Variants in SNX1 observed in about 807,000 individuals in gnomAD.
SNX1 encodes sorting nexin-1.
In SNX1, 36 loss-of-function variants were observed where a neutral mutation model predicts 71.8. That is an observed-to-expected ratio of 0.50 (90% CI 0.38 to 0.66). The LOEUF (loss-of-function observed/expected upper bound fraction) is 0.66, where lower values mean the gene tolerates loss of function less well. Ranked by LOEUF, SNX1 falls within the 30% of genes least tolerant of loss-of-function variation. SNX1 has a pLI of 0.00. For synonymous variants in SNX1, 254 were observed against 240.7 expected (o/e 1.06, Z -0.51); for missense variants, 612 against 646.7 (o/e 0.95, Z 0.58).
chr15:64,116,142 T>A (rs948139378), intron 2 of SNX1, among the ~76,000 whole-genome samples: 5 of 152,228 alleles, frequency 3.3e-5, no homozygotes, highest in Admixed American at 3.3e-4. Context: ...TTATATACTG[T>A]ATTCTTACAA....
chr15:64,130,342 C>G (rs763860912), intron 10 of SNX1, 21 bp downstream of exon 10: 1 of 1,586,478 alleles, frequency 6.3e-7, no homozygotes, highest in Non-Finnish European at 8.7e-7. Context: ...CTGAAATGCA[C>G]TTGGAGCTAG....
intron 4 of SNX1, among the ~76,000 whole-genome samples, chr15:64,120,446 T>A (rs560897658): frequency 6.6e-6 from 1 of 152,064 alleles, no homozygotes; most frequent in South Asian, 2.1e-4. Context: ...CTAATTTTTT[T>A]ATATTTTTTG....
At chr15:64,102,903 G>C (rs2080979762) in intron 1 of SNX1, among the ~76,000 whole-genome samples, 1 of 151,468 alleles carries the variant, frequency 6.6e-6, no homozygotes, top group Non-Finnish European at 1.5e-5. Flanking sequence ...AGTAGCTGGG[G>C]CTACAGGTGC....
intron 10 of SNX1, 168 bp from the exon 11 acceptor site, chr15:64,131,519 T>G: frequency 1.6e-6 from 1 of 636,900 alleles, no homozygotes; most frequent in Non-Finnish European, 2.7e-6. Context: ...CACATTCTCT[T>G]TACTCTCTGA....
At position 64,144,086 on chromosome 15, in the gene SNX1, T is replaced by C. The variant is rs1028551252; in HGVS notation, c.*6468T>C. ...ACTTTATATATGGGAAGGATGTTGA[T>C]TGAATTGTTAATAACTATGGTCACC... On this transcript the variant is annotated 3_prime_UTR_variant, in exon 15 of 15. Coordinates refer to ENST00000559844, the MANE Select transcript of SNX1 (RefSeq NM_003099.5). This position sits in a 1 kb window ranked among gnomAD's most constrained non-coding sequence, Gnocchi z 4.3. 1 of 152,228 alleles carries C rather than the reference T, an allele frequency of 6.6e-6. No homozygotes were observed. The highest frequency in any genetic ancestry group is 2.4e-5 in the African/African-American group (1 of 41,458). 9.4% of individuals were successfully genotyped at this position (152,228 alleles called of 1,614,324 possible). A position where few individuals can be genotyped will look rare whatever the true frequency, so the allele number is the denominator to read the frequency against.
chr15:64,113,518 C>T (rs995457913), intron 2 of SNX1, among the ~76,000 whole-genome samples: 1 of 152,110 alleles, frequency 6.6e-6, no homozygotes, highest in Non-Finnish European at 1.5e-5. Flanking sequence ...GTTGAAAAAA[C>T]CCTGTCTAAA....
At chr15:64,124,953 T>C (rs2140151532) in intron 5 of SNX1, among the ~76,000 whole-genome samples, 1 of 152,318 alleles carries the variant, frequency 6.6e-6, no homozygotes, top group East Asian at 1.9e-4. Flanking sequence ...GATGTAGCCC[T>C]AACTTTTTTG....
chr15:64,131,678 T>G lies in SNX1; in HGVS notation c.1016-9T>G. 1 of 1,613,434 alleles carries G rather than the reference T, an allele frequency of 6.2e-7. No individual in the cohort carries two copies. The highest frequency in any genetic ancestry group is 8.5e-7 in the Non-Finnish European group (1 of 1,179,702). ...CAGAGAGGCCTCTGCTGTCTTTTCCTCCTTCCAGAGCTAGCGCTGAACACA... is the reference window on the plus strand; with the variant it reads ...CAGAGAGGCCTCTGCTGTCTTTTCCGCCTTCCAGAGCTAGCGCTGAACACA... On this transcript the variant is annotated splice_polypyrimidine_tract_variant and intron_variant, in intron 10 of 14. Coordinates refer to ENST00000559844, the MANE Select transcript of SNX1 (RefSeq NM_003099.5).
At chr15:64,114,608 G>GA (rs1279674694) in intron 2 of SNX1, among the ~76,000 whole-genome samples, 2 of 152,190 alleles carry the variant, frequency 1.3e-5, no homozygotes, top group Non-Finnish European at 2.9e-5. Flanking sequence ...GGTGGTAGTT[G>GA]AAACTTCCAT....
intron 1 of SNX1, among the ~76,000 whole-genome samples, chr15:64,097,729 G>A (rs1434539473): frequency 6.6e-6 from 1 of 152,166 alleles, no homozygotes; most frequent in Non-Finnish European, 1.5e-5. Flanking sequence ...GTTGTTCCAG[G>A]CTGTAAAATT....
At chr15:64,100,662 C>A (rs2080951469) in intron 1 of SNX1, among the ~76,000 whole-genome samples, 1 of 148,560 alleles carries the variant, frequency 6.7e-6, no homozygotes. Flanking sequence ...AATTTGAAGT[C>A]ATTGCTTTAA....
In SNX1 at chr15:64,132,754, G is replaced by A. The variant is rs534648214; in HGVS notation, c.1221+862G>A. On this transcript the variant is annotated intron_variant, in intron 11 of 14. Transcript: ENST00000559844. ...ATATCTCCCATTAGGGAGCTTGTGC[G>A]TTGTGTCAGGAGCTGAGCTGCTCCC... is the stretch of plus-strand genomic sequence containing the variant. Among the ~76,000 whole-genome samples, 42 of 152,316 alleles carry A rather than the reference G, an allele frequency of 2.8e-4. 1 individual carries two copies. In the South Asian group the frequency reaches 6.8e-3, roughly 25 times the overall value.
intron 2 of SNX1, among the ~76,000 whole-genome samples, chr15:64,117,861 A>C (rs529175189): frequency 6.6e-6 from 1 of 152,294 alleles, no homozygotes; most frequent in Admixed American, 6.5e-5. Flanking sequence ...TTCTTGTATA[A>C]ATTCTAGGTA....
At chr15:64,104,972 C>T (rs201366193) in intron 1 of SNX1, among the ~76,000 whole-genome samples, 7 of 146,742 alleles carry the variant, frequency 4.8e-5, no homozygotes, top group Admixed American at 6.8e-5. Context: ...CGGTGGCTCA[C>T]GCCTGTAATC....
At chr15:64,104,841 C>T (rs867142945) in intron 1 of SNX1, among the ~76,000 whole-genome samples, 25 of 148,100 alleles carry the variant, frequency 1.7e-4, no homozygotes, top group African/African-American at 4.7e-4. Flanking sequence ...GCTGAGATTG[C>T]GCCACTGCAC....
intron 2 of SNX1, 152 bp downstream of exon 2, chr15:64,112,836 G>T: frequency 1.9e-6 from 1 of 532,832 alleles, no homozygotes; most frequent in South Asian, 3.1e-5. Context: ...ATGAAATACA[G>T]GCCCTGCCAT....
At chr15:64,126,890 A>G (rs1436985442) in intron 6 of SNX1, among the ~76,000 whole-genome samples, 1 of 152,070 alleles carries the variant, frequency 6.6e-6, no homozygotes, top group Non-Finnish European at 1.5e-5. Flanking sequence ...GAGCCTCTTC[A>G]TTAACATCAG....
chr15:64,131,516 T>G lies in SNX1; in HGVS notation c.1016-171T>G, dbSNP rs1182629737. The G allele has an allele frequency of 6.3e-6, 4 of 630,772 alleles. No homozygotes were observed. In the African/African-American group the frequency reaches 7.3e-5, roughly 12 times the overall value. 39.1% of individuals were successfully genotyped at this position (630,772 alleles called of 1,614,324 possible). A position where few individuals can be genotyped will look rare whatever the true frequency, so the allele number is the denominator to read the frequency against. ...CTGCTCCTGTGACCAGGCCACATTC[T>G]CTTTACTCTCTGAATACAGTTAACT... On this transcript the variant is annotated intron_variant, in intron 10 of 14. Coordinates refer to ENST00000559844, the MANE Select transcript of SNX1 (RefSeq NM_003099.5).
chr15:64,124,834 A>C (rs1431007780), intron 5 of SNX1, among the ~76,000 whole-genome samples: 3 of 152,214 alleles, frequency 2.0e-5, no homozygotes, highest in African/African-American at 7.2e-5. Flanking sequence ...TTTGTACCCC[A>C]TCAGCAGTGT....
Sources: allele counts gnomAD v4.1 joint callset (sites outside exome capture counted in the v4.1 genomes callset), GRCh38; gene constraint gnomAD v4.1.1; non-coding constraint Gnocchi (gnomAD v3.1); transcripts MANE v1.5; gene names NCBI Gene and HGNC (gene_info 2026-07-23, HGNC 2026-07-21).